FAM81A: variants seen among roughly 807,000 people sequenced by gnomAD.
The protein encoded by FAM81A is protein FAM81A.
In FAM81A, 19 loss-of-function variants were observed where a neutral mutation model predicts 46.7. The observed-to-expected ratio is 0.41, with a 90% CI of 0.28 to 0.60. FAM81A has a LOEUF of 0.60. Among genes scored for constraint, FAM81A ranks in the 20% least tolerant of loss-of-function variants. The pLI is 0.34. For synonymous variants in FAM81A, 183 were observed against 152.9 expected (o/e 1.20, Z -1.45); for missense variants, 377 against 453.5 (o/e 0.83, Z 1.53).
chr15:59,447,748 T>C (rs1413450406), intron 1 of FAM81A, among the ~76,000 whole-genome samples: 1 of 151,998 alleles, frequency 6.6e-6, no homozygotes, highest in African/African-American at 2.4e-5. Context: ...CAGAGATAAT[T>C]CCAGCAATTT....
intron 1 of FAM81A, among the ~76,000 whole-genome samples, chr15:59,453,676 A>T (rs1219828666): frequency 1.3e-5 from 2 of 152,118 alleles, no homozygotes; most frequent in Non-Finnish European, 2.9e-5. Flanking sequence ...AGGCAGTAAA[A>T]ATGGGAAGTT....
At chr15:59,468,054 G>A (rs949173079) in intron 3 of FAM81A, among the ~76,000 whole-genome samples, 1 of 152,176 alleles carries the variant, frequency 6.6e-6, no homozygotes, top group Non-Finnish European at 1.5e-5. Flanking sequence ...TCCCAGGGAT[G>A]AAGCCAACTT....
At chr15:59,417,314 G>A (rs964588127) in intron 2 of FAM81A, among the ~76,000 whole-genome samples, 23 of 151,926 alleles carry the variant, frequency 1.5e-4, no homozygotes, top group Non-Finnish European at 2.4e-4. Context: ...TATTTACTTC[G>A]TTTTCTTAAT....
At chr15:59,403,887 CT>C (rs11387570) in intron 2 of FAM81A, among the ~76,000 whole-genome samples, 173 of 140,004 alleles carry the variant, frequency 1.2e-3, no homozygotes, top group Admixed American at 1.3e-3. Context: ...CTTTTCTTTT[CT>C]TTTTTTTTTT....
chr15:59,482,011 C>T (rs1328142324), intron 3 of FAM81A, among the ~76,000 whole-genome samples: 1 of 151,934 alleles, frequency 6.6e-6, no homozygotes, highest in Admixed American at 6.6e-5. Context: ...CAAAATTGAG[C>T]AGAAAGTATA....
At chr15:59,478,682 C>T (rs901523055) in intron 3 of FAM81A, among the ~76,000 whole-genome samples, 41 of 152,256 alleles carry the variant, frequency 2.7e-4, no homozygotes, top group African/African-American at 8.4e-4. Context: ...CTAGATGTGG[C>T]GTGTTGTATG....
chr15:59,459,852 C>G, intron 2 of FAM81A, 81 bp from the exon 3 acceptor site: 2 of 1,453,272 alleles, frequency 1.4e-6, no homozygotes, highest in Non-Finnish European at 1.8e-6. Flanking sequence ...TTTGTATTTC[C>G]AGACTTCTCT....
At chr15:59,450,103 C>T (rs371707494) in intron 1 of FAM81A, among the ~76,000 whole-genome samples, 5 of 126,268 alleles carry the variant, frequency 4.0e-5, no homozygotes, top group Admixed American at 1.7e-4. Context: ...TTCTTTCTTT[C>T]TTTTTTTTTT....
intron 3 of FAM81A, among the ~76,000 whole-genome samples, chr15:59,490,248 G>C (rs1206653588): frequency 3.3e-5 from 5 of 151,984 alleles, no homozygotes; most frequent in Non-Finnish European, 7.4e-5. Context: ...GGCAACCAAA[G>C]CAAAAATGGA....
rs1567083674 is a variant in FAM81A, at chr15:59,523,519, A to G, written c.*2141A>G. On this transcript the variant is annotated 3_prime_UTR_variant, in exon 9 of 9. Coordinates refer to ENST00000288228, the MANE Select transcript of FAM81A (RefSeq NM_152450.3). ...TTCCATGTTCTTTCCTTTACCAGAA[A>G]TTTGCAATAAAAAGAAAAATAAAAT... is the stretch of plus-strand genomic sequence containing the variant. 2.6e-5 allele frequency: 4 copies of G among 152,208 alleles called. No homozygotes were observed. Among genetic ancestry groups the G allele is most frequent in the Non-Finnish European group, 5.9e-5 (4 of 68,036 alleles). 9.4% of individuals were successfully genotyped at this position (152,208 alleles called of 1,614,324 possible).
chr15:59,513,409 G>T (rs1290695255), intron 6 of FAM81A, among the ~76,000 whole-genome samples: 2 of 152,162 alleles, frequency 1.3e-5, no homozygotes, highest in Non-Finnish European at 2.9e-5. Flanking sequence ...GAGTATCGTG[G>T]ACCCTCGGAA....
At chr15:59,487,538 C>T (rs1417781924) in intron 3 of FAM81A, among the ~76,000 whole-genome samples, 1 of 151,356 alleles carries the variant, frequency 6.6e-6, no homozygotes, top group African/African-American at 2.4e-5. Context: ...ACAGAAAAGA[C>T]CCAACTAAAT....
intron 4 of FAM81A, among the ~76,000 whole-genome samples, chr15:59,501,261 G>C (rs2082087801): frequency 6.6e-6 from 1 of 152,046 alleles, no homozygotes; most frequent in South Asian, 2.1e-4. Context: ...CAATGACAGT[G>C]GTTTTGGAAG....
upstream of FAM81A, among the ~76,000 whole-genome samples, chr15:59,434,045 G>A (rs2081232654): frequency 6.6e-6 from 1 of 152,074 alleles, no homozygotes; most frequent in Admixed American, 6.6e-5. Flanking sequence ...TAGTAGAGAC[G>A]GGTTTCGCCA....
chr15:59,517,623 T>C (rs1403478629), intron 8 of FAM81A, among the ~76,000 whole-genome samples: 1 of 152,232 alleles, frequency 6.6e-6, no homozygotes, highest in Non-Finnish European at 1.5e-5. Flanking sequence ...TCTATGAAAT[T>C]GTTCTGTTTT....
At chr15:59,463,457 G>C (rs1343545957) in intron 3 of FAM81A, among the ~76,000 whole-genome samples, 1 of 152,118 alleles carries the variant, frequency 6.6e-6, no homozygotes, top group Non-Finnish European at 1.5e-5. Flanking sequence ...TTTTGGACTA[G>C]TCTATGTCCT....
At chr15:59,480,370 T>TG (rs1442284963) in intron 3 of FAM81A, among the ~76,000 whole-genome samples, 5 of 152,148 alleles carry the variant, frequency 3.3e-5, no homozygotes, top group African/African-American at 9.7e-5. Context: ...CTGGCCTGTC[T>TG]GGGGGGCTTA....
chr15:59,459,593 GGGA>G (rs2081525640), intron 2 of FAM81A, among the ~76,000 whole-genome samples: 1 of 152,024 alleles, frequency 6.6e-6, no homozygotes, highest in South Asian at 2.1e-4. Flanking sequence ...GTTTCAGAGA[GGGA>G]GGAGGAGGAG....
intron 3 of FAM81A, among the ~76,000 whole-genome samples, chr15:59,487,283 T>C (rs1473552637): frequency 2.0e-5 from 3 of 148,346 alleles, no homozygotes; most frequent in African/African-American, 4.9e-5. Flanking sequence ...TTTTTGCTTG[T>C]TTGTTTGTTT....
Sources: gnomAD v4.1 joint callset for allele counts (sites outside exome capture counted in the v4.1 genomes callset) on GRCh38, gnomAD v4.1.1 for gene constraint, MANE v1.5 for transcripts, NCBI Gene and HGNC (gene_info 2026-07-23, HGNC 2026-07-21) for gene names.